MRPS6: variants seen among roughly 807,000 people sequenced by gnomAD.
The protein encoded by MRPS6 is small ribosomal subunit protein bS6m.
A neutral mutation model predicts 13.1 loss-of-function variants in MRPS6; 6 were observed. The ratio of observed to expected loss-of-function variants is 0.46; its 90% CI spans 0.25 to 0.91. The LOEUF (loss-of-function observed/expected upper bound fraction) is 0.91, where lower values mean the gene tolerates loss of function less well. Ranked by LOEUF, MRPS6 falls within the 40% of genes least tolerant of loss-of-function variation. The pLI is 0.18. For missense variants in MRPS6, 164 were observed against 155.6 expected, an observed-to-expected ratio of 1.05 and a Z score of -0.29; for synonymous variants, 61 against 56.5, an observed-to-expected ratio of 1.08 and a Z score of -0.36.
intron 2 of MRPS6, 77 bp from the exon 3 acceptor site, chr21:34,142,331 A>AAATGG: frequency 6.8e-7 from 1 of 1,480,608 alleles, no homozygotes; most frequent in Non-Finnish European, 9.0e-7. Context: ...AGGAAGAGTA[A>AAATGG]AATGGAAACA....
intron 1 of MRPS6, among the ~76,000 whole-genome samples, chr21:34,114,146 T>C (rs1979813243): frequency 6.6e-6 from 1 of 152,160 alleles, no homozygotes; most frequent in Admixed American, 6.6e-5. Flanking sequence ...AGTATAGAAA[T>C]GGAAACCTCT....
chr21:34,093,033 A>G (rs751182524), intron 1 of MRPS6, among the ~76,000 whole-genome samples: 1 of 152,226 alleles, frequency 6.6e-6, no homozygotes, highest in East Asian at 1.9e-4. Context: ...TCCCTTATGC[A>G]GAAACATTTA....
chr21:34,090,816 C>T (rs1978646823), intron 1 of MRPS6, among the ~76,000 whole-genome samples: 1 of 150,782 alleles, frequency 6.6e-6, no homozygotes, highest in South Asian at 2.1e-4. Context: ...TGAGATCCTA[C>T]AGTTAGGAAG....
At chr21:34,095,195 C>A in intron 1 of MRPS6, 1 of 1,580,624 alleles carries the variant, frequency 6.3e-7, no homozygotes, top group South Asian at 1.2e-5. Context: ...CACAAGTTAC[C>A]AGAATGAGAG....
intron 2 of MRPS6, among the ~76,000 whole-genome samples, chr21:34,133,029 G>C (rs1001331262): frequency 6.6e-6 from 1 of 152,142 alleles, no homozygotes; most frequent in Admixed American, 6.5e-5. Context: ...GCTGGGGAGA[G>C]GGCTGCTGGA....
intron 2 of MRPS6, among the ~76,000 whole-genome samples, chr21:34,131,310 G>T (rs1980494387): frequency 6.6e-6 from 1 of 152,178 alleles, no homozygotes; most frequent in African/African-American, 2.4e-5. Context: ...TAGTTTGGCT[G>T]GGGAAGAAGC....
At chr21:34,101,193 C>G (rs534939361) in intron 1 of MRPS6, 2 of 1,000,044 alleles carry the variant, frequency 2.0e-6, no homozygotes, top group Non-Finnish European at 2.4e-6. Flanking sequence ...TGGTAAAAGA[C>G]AACAAATATT....
chr21:34,116,318 GTTT>G (rs543766044), intron 1 of MRPS6, among the ~76,000 whole-genome samples: 1 of 129,212 alleles, frequency 7.7e-6, no homozygotes, highest in Admixed American at 7.8e-5. Context: ...AATCATCCAT[GTTT>G]TTTTTTTTTT....
At chr21:34,100,517 G>A in intron 1 of MRPS6, 1 of 1,000,182 alleles carries the variant, frequency 1.0e-6, no homozygotes, top group African/African-American at 1.7e-5. Context: ...TCATCTCCTA[G>A]GGCTTCCTTT....
At chr21:34,141,863 C>G (rs1980918717) in intron 2 of MRPS6, among the ~76,000 whole-genome samples, 1 of 152,142 alleles carries the variant, frequency 6.6e-6, no homozygotes, top group African/African-American at 2.4e-5. Context: ...CTTAAGGTTC[C>G]AGTAATTTTC....
chr21:34,074,507 A>T (rs1602895331), intron 1 of MRPS6, among the ~76,000 whole-genome samples: 1 of 152,150 alleles, frequency 6.6e-6, no homozygotes, highest in African/African-American at 2.4e-5. Context: ...AGGGATGCTA[A>T]GCGAACCAGC....
At chr21:34,084,632 G>A (rs1989531157) in intron 1 of MRPS6, among the ~76,000 whole-genome samples, 1 of 152,092 alleles carries the variant, frequency 6.6e-6, no homozygotes. Flanking sequence ...TCTAAGGTTA[G>A]GTAGAGCTAT....
intron 1 of MRPS6, among the ~76,000 whole-genome samples, chr21:34,117,551 T>C (rs1979969136): frequency 6.6e-6 from 1 of 152,200 alleles, no homozygotes; most frequent in African/African-American, 2.4e-5. Context: ...AGGGACTTGG[T>C]GTTCCATTTC....
chr21:34,136,678 T>C (rs1009985348), intron 2 of MRPS6, among the ~76,000 whole-genome samples: 2 of 152,242 alleles, frequency 1.3e-5, no homozygotes, highest in Non-Finnish European at 2.9e-5. Context: ...TTGAGAGTTA[T>C]TTGTATTCTA....
In MRPS6 at chr21:34,142,833, T is replaced by C; in HGVS notation, c.*233T>C. 1 of 364,670 alleles carries C rather than the reference T, an allele frequency of 2.7e-6. No individual in the cohort carries two copies. Among genetic ancestry groups the C allele is most frequent in the Non-Finnish European group, 4.8e-6 (1 of 207,688 alleles). 22.6% of individuals were successfully genotyped at this position (364,670 alleles called of 1,614,324 possible). A position where few individuals can be genotyped will look rare whatever the true frequency, so the allele number is the denominator to read the frequency against. On this transcript the variant is annotated 3_prime_UTR_variant, in exon 3 of 3. Transcript: ENST00000399312. Reference sequence around the variant, plus strand: ...CAGTGGATCGTTCTTGATTTTGTTTTCATTAGTGTCATTTCTTTGTCATTG... The same window carrying C: ...CAGTGGATCGTTCTTGATTTTGTTTCCATTAGTGTCATTTCTTTGTCATTG...
rs1268108778 is a variant in MRPS6, at chr21:34,109,858, C to G, written c.46-15483C>G. Among the ~76,000 whole-genome samples, 3 of 151,604 alleles carry G rather than the reference C, an allele frequency of 2.0e-5. No homozygotes were observed. In the East Asian group the frequency reaches 5.8e-4, roughly 29 times the overall value. Reference sequence around the variant, plus strand: ...TGCATCAAAACATCACATTGTTTACCTTGAATATATATCATTTTTATTTGA... The same window carrying G: ...TGCATCAAAACATCACATTGTTTACGTTGAATATATATCATTTTTATTTGA... On this transcript the variant is annotated intron_variant, in intron 1 of 2. Transcript: ENST00000399312.
rs76865291 is a variant in MRPS6, at chr21:34,125,799, G to A, written c.185+319G>A. Among the ~76,000 whole-genome samples the A allele has an allele frequency of 3.9e-5, 6 of 152,278 alleles. No homozygotes were observed. The East Asian group carries it at 1.2e-3, about 29-fold the overall frequency. ...TAACTTTTGCCTTTAAAATACCTTA[G>A]TGAACAGTGCTGTCCACAAACATAG... is the stretch of plus-strand genomic sequence containing the variant. On this transcript the variant is annotated intron_variant, in intron 2 of 2. Coordinates refer to ENST00000399312, the MANE Select transcript of MRPS6 (RefSeq NM_032476.4).
chr21:34,139,728 C>A (rs927236227), intron 2 of MRPS6, among the ~76,000 whole-genome samples: 1 of 152,230 alleles, frequency 6.6e-6, no homozygotes, highest in East Asian at 1.9e-4. Context: ...CAGGCACACA[C>A]CACCATGCCT....
intron 1 of MRPS6, chr21:34,095,023 T>C (rs553220818): frequency 1.9e-4 from 137 of 739,086 alleles, no homozygotes; most frequent in Non-Finnish European, 1.9e-4. Context: ...TCTTCAAAGT[T>C]TATCACAACC....
Sources: allele counts gnomAD v4.1 joint callset (sites outside exome capture counted in the v4.1 genomes callset), GRCh38; gene constraint gnomAD v4.1.1; transcripts MANE v1.5; gene names NCBI Gene and HGNC (gene_info 2026-07-23, HGNC 2026-07-21).